GAREM1: variants seen among roughly 807,000 people sequenced by gnomAD.
The protein encoded by GAREM1 is GRB2-associated and regulator of MAPK protein 1.
Under a neutral mutation model 71.3 loss-of-function variants are expected in GAREM1, and 26 were observed. That is an observed-to-expected ratio of 0.36 (90% CI 0.27 to 0.51). The LOEUF (loss-of-function observed/expected upper bound fraction) is 0.51, where lower values mean the gene tolerates loss of function less well. Among genes scored for constraint, GAREM1 ranks in the 20% least tolerant of loss-of-function variants. The probability of loss-of-function intolerance (pLI) is 0.95; values close to 1 mark genes in which losing one functional copy is unlikely to be tolerated. For missense variants in GAREM1, 1,026 were observed against 1,103.1 expected (o/e 0.93, Z 0.99); for synonymous variants, 440 against 433.2 (o/e 1.02, Z -0.20).
chr18:32,360,495 C>A (rs1270228185), intron 2 of GAREM1, among the ~76,000 whole-genome samples: 1 of 152,036 alleles, frequency 6.6e-6, no homozygotes, highest in Non-Finnish European at 1.5e-5. Flanking sequence ...AACGTGGTCA[C>A]CTGGGAAGCC....
chr18:32,467,549 T>C (rs967146366), intron 1 of GAREM1, among the ~76,000 whole-genome samples: 1 of 152,202 alleles, frequency 6.6e-6, no homozygotes, highest in Non-Finnish European at 1.5e-5. Context: ...TTTGAGACAA[T>C]ACATATTATG....
Position 32,470,162 on chromosome 18 carries a change from G to T in GAREM1, c.121+146C>A. On this transcript the variant is annotated intron_variant, in intron 1 of 5. Coordinates refer to ENST00000269209, the MANE Select transcript of GAREM1 (RefSeq NM_001242409.2). The surrounding 1 kb of genome is among the most constrained non-coding windows in gnomAD (Gnocchi z 4.4). ...GGGGAGTTGAGAGCAACGCGCCAGG[G>T]CTGCGGCAGCCGCTCGGGCCAACTC... The T allele has an allele frequency of 9.8e-7, 1 of 1,017,652 alleles. No homozygotes were observed. The highest frequency in any genetic ancestry group is 1.3e-6 in the Non-Finnish European group (1 of 777,686). The allele number at this position is 1,017,652 out of a possible 1,614,324, so 63.0% of individuals were successfully genotyped here.
chr18:32,439,202 T>C (rs948482196), intron 1 of GAREM1, among the ~76,000 whole-genome samples: 4 of 152,128 alleles, frequency 2.6e-5, no homozygotes, highest in Non-Finnish European at 4.4e-5. Flanking sequence ...GAAAGCCTGG[T>C]CAATAGAATT....
Position 32,268,786 on chromosome 18 carries a change from A to G in GAREM1, c.1734-18T>C. Reference sequence around the variant, plus strand: ...TGACGCTGCTTAAAAGCAAACACAGAAGGAGAAATCAGTTAAAAGAAAAAA... The same window carrying G: ...TGACGCTGCTTAAAAGCAAACACAGGAGGAGAAATCAGTTAAAAGAAAAAA... On this transcript the variant is annotated intron_variant, in intron 5 of 5. Transcript: ENST00000269209. The G allele has an allele frequency of 1.9e-6, 3 of 1,602,006 alleles. No individual in the cohort carries two copies.
At chr18:32,345,788 A>G (rs2047689960) in intron 2 of GAREM1, among the ~76,000 whole-genome samples, 1 of 152,210 alleles carries the variant, frequency 6.6e-6, no homozygotes, top group African/African-American at 2.4e-5. Flanking sequence ...ATGGGTGGTC[A>G]GAAAAAGGGT....
chr18:32,444,683 C>T (rs1366376171), intron 1 of GAREM1, among the ~76,000 whole-genome samples: 1 of 152,168 alleles, frequency 6.6e-6, no homozygotes, highest in African/African-American at 2.4e-5. Context: ...GAACCCCAAA[C>T]ACCCAACAAT....
intron 2 of GAREM1, among the ~76,000 whole-genome samples, chr18:32,363,952 T>A (rs2047891898): frequency 9.0e-6 from 1 of 110,756 alleles, no homozygotes; most frequent in Non-Finnish European, 1.8e-5. Flanking sequence ...AAATGTATAA[T>A]TATAAATACA....
At chr18:32,344,551 T>C (rs566941748) in intron 2 of GAREM1, among the ~76,000 whole-genome samples, 1 of 152,266 alleles carries the variant, frequency 6.6e-6, no homozygotes, top group East Asian at 1.9e-4. Flanking sequence ...CTCACTATGC[T>C]GAGTATATAG....
At chr18:32,446,254 A>G (rs897803077) in intron 1 of GAREM1, among the ~76,000 whole-genome samples, 5 of 134,844 alleles carry the variant, frequency 3.7e-5, no homozygotes, top group Admixed American at 7.4e-5. Flanking sequence ...GTGTGTGTGT[A>G]TAACAACAGA....
intron 2 of GAREM1, among the ~76,000 whole-genome samples, chr18:32,367,399 T>C (rs989368560): frequency 1.3e-5 from 2 of 152,206 alleles, no homozygotes; most frequent in East Asian, 1.9e-4. Context: ...TAAGATTATA[T>C]ACTGAGTCTA....
At chr18:32,373,123 GATAA>G (rs778135160) in intron 2 of GAREM1, among the ~76,000 whole-genome samples, 11 of 152,108 alleles carry the variant, frequency 7.2e-5, no homozygotes, top group Non-Finnish European at 1.6e-4. Context: ...TTATATAGTA[GATAA>G]ATATCTAATT....
At chr18:32,297,482 T>A (rs1041756540) in intron 3 of GAREM1, among the ~76,000 whole-genome samples, 31 of 152,200 alleles carry the variant, frequency 2.0e-4, no homozygotes, top group African/African-American at 7.0e-4. Flanking sequence ...ACATTTTACT[T>A]TTTTTAAGTG....
intron 3 of GAREM1, among the ~76,000 whole-genome samples, chr18:32,296,707 G>GTTT (rs547556975): frequency 7.1e-6 from 1 of 140,010 alleles, no homozygotes; most frequent in Non-Finnish European, 1.6e-5. Context: ...TTTCTTGGCA[G>GTTT]TTTTTTTTTT....
chr18:32,292,861 C>A (rs1431783738), intron 3 of GAREM1, among the ~76,000 whole-genome samples: 1 of 152,038 alleles, frequency 6.6e-6, no homozygotes, highest in African/African-American at 2.4e-5. Flanking sequence ...AAAAAAAGAC[C>A]AATAAATATT....
rs190519233 is a variant in GAREM1 at position 32,329,981 on chromosome 18, T to C, written c.263-19658A>G. Among the ~76,000 whole-genome samples the C allele has an allele frequency of 5.6e-4, 85 of 152,110 alleles. No individual in the cohort carries two copies. In the East Asian group the frequency reaches 0.012, roughly 22 times the overall value. ...TTTGCTGCTCACCCTTTGGAGATCA[T>C]ATAAACACACAACAACAAAAATAGA... On this transcript the variant is annotated intron_variant, in intron 2 of 5. Coordinates refer to ENST00000269209, the MANE Select transcript of GAREM1 (RefSeq NM_001242409.2).
intron 1 of GAREM1, among the ~76,000 whole-genome samples, chr18:32,398,833 C>G (rs2048283498): frequency 6.6e-6 from 1 of 152,132 alleles, no homozygotes; most frequent in Non-Finnish European, 1.5e-5. Context: ...CAGCATCATC[C>G]TGATACCAAA....
At position 32,393,044 on chromosome 18, in the gene GAREM1, T is replaced by A; in HGVS notation, c.122-9A>T. The A allele has an allele frequency of 6.2e-7, 1 of 1,605,944 alleles. No homozygotes were observed. ...CCCTTCTACGCACTCTCCTAGGAAA[T>A]ACAATTTTATATGAGAAACTTAGAA... On this transcript the variant is annotated splice_polypyrimidine_tract_variant and intron_variant, in intron 1 of 5. Transcript: ENST00000269209.
intron 3 of GAREM1, among the ~76,000 whole-genome samples, chr18:32,302,784 T>C (rs1225251478): frequency 6.6e-6 from 1 of 152,060 alleles, no homozygotes; most frequent in African/African-American, 2.4e-5. Context: ...GTGATGGAAA[T>C]GTTAATTAGC....
intron 1 of GAREM1, among the ~76,000 whole-genome samples, chr18:32,460,263 A>G (rs9948201): frequency 0.046 from 7,005 of 152,264 alleles, 534 homozygotes; most frequent in African/African-American, 0.16. Context: ...TCTCAACACT[A>G]TATAACCAAG....
Sources: gnomAD v4.1 joint callset for allele counts (sites outside exome capture counted in the v4.1 genomes callset) on GRCh38, gnomAD v4.1.1 for gene constraint, Gnocchi (gnomAD v3.1) non-coding constraint, MANE v1.5 for transcripts, NCBI Gene and HGNC (gene_info 2026-07-23, HGNC 2026-07-21) for gene names.